The following CCDC149 variants were observed in gnomAD, a reference collection of about 807,000 sequenced individuals.
CCDC149 encodes the protein coiled-coil domain-containing protein 149.
In CCDC149, 45 loss-of-function variants were observed where a neutral mutation model predicts 59.9. That is an observed-to-expected ratio of 0.75 (90% CI 0.59 to 0.96). The LOEUF (loss-of-function observed/expected upper bound fraction) is 0.96, where lower values mean the gene tolerates loss of function less well. Ranked by LOEUF, CCDC149 falls within the 40% of genes least tolerant of loss-of-function variation. CCDC149 has a pLI of 0.00. For missense variants in CCDC149, 584 were observed against 664.7 expected, an observed-to-expected ratio of 0.88 and a Z score of 1.33; for synonymous variants, 245 against 260.6, an observed-to-expected ratio of 0.94 and a Z score of 0.58.
chr4:24,933,778 C>T (rs1476732531), intron 1 of CCDC149, among the ~76,000 whole-genome samples: 2 of 152,036 alleles, frequency 1.3e-5, no homozygotes, highest in Non-Finnish European at 2.9e-5. Context: ...TTATCAATTG[C>T]CATGTAACAA....
At chr4:24,839,844 C>T (rs930114127) in intron 4 of CCDC149, among the ~76,000 whole-genome samples, 22 of 152,278 alleles carry the variant, frequency 1.4e-4, no homozygotes, top group African/African-American at 4.3e-4. Context: ...CACACCTCCC[C>T]GTAGGGCAGA....
intron 1 of CCDC149, among the ~76,000 whole-genome samples, chr4:24,883,829 T>C (rs1719994361): frequency 1.3e-5 from 2 of 152,220 alleles, no homozygotes; most frequent in South Asian, 4.1e-4. Context: ...CCCCATTTTA[T>C]GGGCAAAATA....
intron 1 of CCDC149, among the ~76,000 whole-genome samples, chr4:24,951,399 G>A (rs369317126): frequency 9.9e-5 from 15 of 152,272 alleles, no homozygotes; most frequent in Admixed American, 5.2e-4. Flanking sequence ...AGTCATAGAG[G>A]TAAATAATAA....
intron 3 of CCDC149, among the ~76,000 whole-genome samples, chr4:24,872,481 T>C (rs1187240569): frequency 6.6e-6 from 1 of 152,070 alleles, no homozygotes; most frequent in Non-Finnish European, 1.5e-5. Flanking sequence ...CCCTGAATAT[T>C]ATGCACCCAC....
intron 1 of CCDC149, among the ~76,000 whole-genome samples, chr4:24,886,884 A>G (rs1720216171): frequency 6.6e-6 from 1 of 152,144 alleles, no homozygotes; most frequent in East Asian, 1.9e-4. Context: ...TGACACACGA[A>G]TGGAATAAGC....
chr4:24,935,074 C>T (rs188979085), intron 1 of CCDC149, among the ~76,000 whole-genome samples: 52 of 152,232 alleles, frequency 3.4e-4, no homozygotes, highest in Admixed American at 1.1e-3. Flanking sequence ...TGAGGGAGAC[C>T]AGATAGCAGG....
intron 4 of CCDC149, among the ~76,000 whole-genome samples, chr4:24,840,757 A>G (rs1716886459): frequency 6.6e-6 from 1 of 152,164 alleles, no homozygotes; most frequent in Non-Finnish European, 1.5e-5. Flanking sequence ...GTGTTAGAGA[A>G]ACTTCCTCCA....
At chr4:24,938,328 G>A (rs1413000641) in intron 1 of CCDC149, among the ~76,000 whole-genome samples, 1 of 152,190 alleles carries the variant, frequency 6.6e-6, no homozygotes, top group Non-Finnish European at 1.5e-5. Context: ...AAAAGAAACA[G>A]CATTAAGAAC....
intron 1 of CCDC149, among the ~76,000 whole-genome samples, chr4:24,938,280 C>T (rs977868580): frequency 2.6e-5 from 4 of 151,970 alleles, no homozygotes; most frequent in African/African-American, 9.7e-5. Flanking sequence ...ATTTTTTTTC[C>T]TTTGGCTATT....
chr4:24,912,534 C>T (rs886489863), intron 1 of CCDC149, among the ~76,000 whole-genome samples: 2 of 152,092 alleles, frequency 1.3e-5, no homozygotes, highest in African/African-American at 4.8e-5. Flanking sequence ...CTCCCGGATC[C>T]CAGGGCTTCA....
chr4:24,914,238 T>C (rs1460469039), upstream of CCDC149, among the ~76,000 whole-genome samples: 2 of 152,098 alleles, frequency 1.3e-5, no homozygotes, highest in Non-Finnish European at 2.9e-5. Flanking sequence ...AGTTTGTTCT[T>C]GGCCTTGTTT....
upstream of CCDC149, among the ~76,000 whole-genome samples, chr4:24,915,420 A>G (rs1047455574): frequency 4.6e-5 from 7 of 152,202 alleles, no homozygotes; most frequent in African/African-American, 1.7e-4. Flanking sequence ...GCCCTTCATG[A>G]TATACCACTG....
chr4:24,926,279 AGCACCCTCAAT>A lies in CCDC149; in HGVS notation c.-64-31172_-64-31162del, dbSNP rs1209965234. Among the ~76,000 whole-genome samples, 8 of 152,368 alleles carry A rather than the reference AGCACCCTCAAT, an allele frequency of 5.3e-5. No homozygotes were observed. The East Asian group carries it at 1.5e-3, about 29-fold the overall frequency. ...TATAGGGAACAGAAAGAAGTTAGTC[AGCACCCTCAAT>A]GCTTTGCCTGAAATCAAGTTTAATA... On this transcript the variant is annotated intron_variant, in intron 1 of 12. Coordinates refer to the CCDC149 transcript ENST00000389609.
chr4:24,847,872 T>G (rs1333038685), intron 4 of CCDC149, among the ~76,000 whole-genome samples: 1 of 152,202 alleles, frequency 6.6e-6, no homozygotes, highest in African/African-American at 2.4e-5. Context: ...TTTGGTAACC[T>G]GACATTTGTC....
chr4:24,931,622 C>T (rs925219197), intron 1 of CCDC149, among the ~76,000 whole-genome samples: 4 of 151,324 alleles, frequency 2.6e-5, no homozygotes, highest in African/African-American at 9.7e-5. Context: ...TTGGCTAGAA[C>T]TAGTCACATG....
chr4:24,853,014 T>C lies in CCDC149; in HGVS notation c.372+58A>G, dbSNP rs551750958. Reference sequence around the variant, plus strand: ...TTACATTTTTCCGATGTGCAATATATAAACCTCGAACGCACAATGTTGCAG... The same window carrying C: ...TTACATTTTTCCGATGTGCAATATACAAACCTCGAACGCACAATGTTGCAG... On this transcript the variant is annotated intron_variant, in intron 4 of 12. Coordinates refer to ENST00000635206, the MANE Select transcript of CCDC149 (RefSeq NM_001330643.2). 3 of 1,087,474 alleles carry C rather than the reference T, an allele frequency of 2.8e-6. No individual in the cohort carries two copies. The Admixed American group carries it at 5.7e-5, about 21-fold the overall frequency. 67.4% of individuals were successfully genotyped at this position (1,087,474 alleles called of 1,614,324 possible).
intron 3 of CCDC149, among the ~76,000 whole-genome samples, chr4:24,859,419 G>T (rs922756504): frequency 3.9e-5 from 6 of 152,050 alleles, no homozygotes; most frequent in African/African-American, 1.4e-4. Context: ...AAAACCCTCA[G>T]CAAAATCTGC....
chr4:24,826,805 G>C (rs1272608656), intron 9 of CCDC149: 1 of 152,274 alleles, frequency 6.6e-6, no homozygotes, highest in East Asian at 1.9e-4. Flanking sequence ...CAGAGTCCAA[G>C]GGACTGGGCT....
chr4:24,922,067 C>G (rs935088067), intron 1 of CCDC149, among the ~76,000 whole-genome samples: 1 of 152,176 alleles, frequency 6.6e-6, no homozygotes, highest in African/African-American at 2.4e-5. Flanking sequence ...ATCATCTTTC[C>G]TTTATGCATA....
Sources: gnomAD v4.1 joint callset for allele counts (sites outside exome capture counted in the v4.1 genomes callset) on GRCh38, gnomAD v4.1.1 for gene constraint, MANE v1.5 for transcripts, NCBI Gene and HGNC (gene_info 2026-07-23, HGNC 2026-07-21) for gene names.